BACE2: variants seen among roughly 807,000 people sequenced by gnomAD.
The protein encoded by BACE2 is beta-secretase 2.
A neutral mutation model predicts 46.2 loss-of-function variants in BACE2; 17 were observed. That is an observed-to-expected ratio of 0.37 (90% confidence interval 0.25 to 0.55). BACE2 has a LOEUF of 0.55. Ranked by LOEUF, BACE2 falls within the 20% of genes least tolerant of loss-of-function variation. The pLI is 0.82. For missense variants in BACE2, 595 were observed against 698.1 expected (o/e 0.85, Z 1.66); for synonymous variants, 277 against 295.9 (o/e 0.94, Z 0.66).
intron 1 of BACE2, among the ~76,000 whole-genome samples, chr21:41,173,681 G>A (rs1984685481): frequency 6.6e-6 from 1 of 152,150 alleles, no homozygotes; most frequent in African/African-American, 2.4e-5. Context: ...GGGAGGCAAA[G>A]GTTGCAGTGA....
At chr21:41,211,292 A>T (rs1361889900) in intron 1 of BACE2, among the ~76,000 whole-genome samples, 2 of 152,048 alleles carry the variant, frequency 1.3e-5, no homozygotes, top group Non-Finnish European at 2.9e-5. Flanking sequence ...GTACAGCAAT[A>T]GTGAAATGGC....
At chr21:41,271,298 A>G (rs1169230476) in intron 8 of BACE2, among the ~76,000 whole-genome samples, 1 of 152,070 alleles carries the variant, frequency 6.6e-6, no homozygotes, top group Non-Finnish European at 1.5e-5. Flanking sequence ...TCCACAAACA[A>G]CAGTCTATAG....
chr21:41,190,553 G>A (rs1368169013), intron 1 of BACE2, among the ~76,000 whole-genome samples: 2 of 152,188 alleles, frequency 1.3e-5, no homozygotes, highest in East Asian at 1.9e-4. Flanking sequence ...AGCCGGTATT[G>A]ATGACTGCCT....
chr21:41,242,092 T>A, intron 4 of BACE2, 145 bp downstream of exon 4: 2 of 1,083,316 alleles, frequency 1.8e-6, no homozygotes, highest in Non-Finnish European at 2.6e-6. Context: ...GTAGTAGATC[T>A]TTTTAGAAAT....
Position 41,168,223 on chromosome 21 carries a change from A to C in BACE2, c.-41A>C. 9.2e-7 allele frequency: 1 copy of C among 1,088,066 alleles called. No individual in the cohort carries two copies. Among genetic ancestry groups the C allele is most frequent in the Non-Finnish European group, 1.1e-6 (1 of 890,828 alleles). 67.4% of individuals were successfully genotyped at this position (1,088,066 alleles called of 1,614,324 possible). On this transcript the variant is annotated 5_prime_UTR_variant, in exon 1 of 9. Transcript: ENST00000330333. ...AGCCGCGGCTGCCGGACGGGACGGG[A>C]CCGGCTAGGCTGGGCGCGCCCCCCG... is the stretch of plus-strand genomic sequence containing the variant.
At chr21:41,248,834 T>C (rs1446220742) in intron 6 of BACE2, among the ~76,000 whole-genome samples, 1 of 152,176 alleles carries the variant, frequency 6.6e-6, no homozygotes, top group Non-Finnish European at 1.5e-5. Context: ...GTTTTTTCAG[T>C]TGTGGTCTTG....
intron 1 of BACE2, among the ~76,000 whole-genome samples, chr21:41,208,930 T>C (rs1986214957): frequency 6.6e-6 from 1 of 152,088 alleles, no homozygotes; most frequent in African/African-American, 2.4e-5. Flanking sequence ...AGGGTGGGAT[T>C]AAAAAGCAGG....
chr21:41,236,304 A>G (rs2009135), intron 2 of BACE2, among the ~76,000 whole-genome samples: 50,485 of 152,034 alleles, frequency 0.33, 9,123 homozygotes, highest in African/African-American at 0.47. Context: ...GTCTCATGCA[A>G]ACATGGTTGG....
chr21:41,185,454 G>A (rs1985336795), intron 1 of BACE2, among the ~76,000 whole-genome samples: 1 of 152,238 alleles, frequency 6.6e-6, no homozygotes, highest in Admixed American at 6.5e-5. Flanking sequence ...CTGACTGCCA[G>A]GCCAGGAGCC....
At chr21:41,200,205 A>AC (rs1985915270) in intron 1 of BACE2, among the ~76,000 whole-genome samples, 2 of 150,620 alleles carry the variant, frequency 1.3e-5, no homozygotes, top group African/African-American at 4.9e-5. Flanking sequence ...AAAAAAACAA[A>AC]AAAAAAACCC....
intron 1 of BACE2, among the ~76,000 whole-genome samples, chr21:41,224,227 T>TTTTTTG (rs1194784755): frequency 6.9e-6 from 1 of 145,844 alleles, no homozygotes; most frequent in African/African-American, 2.6e-5. Context: ...TTTTTTTTTT[T>TTTTTTG]TTTTTGAGAT....
intron 8 of BACE2, among the ~76,000 whole-genome samples, chr21:41,268,252 C>T (rs1248654548): frequency 6.6e-6 from 1 of 152,022 alleles, no homozygotes; most frequent in Non-Finnish European, 1.5e-5. Flanking sequence ...GTAACTTGGC[C>T]CAGATCACAC....
rs550156710 is a variant in BACE2, at chr21:41,204,917, A to G, written c.313-21349A>G. Among the ~76,000 whole-genome samples, 193 of 152,354 alleles carry G rather than the reference A, an allele frequency of 1.3e-3. 1 individual carries two copies. Among genetic ancestry groups the G allele is most frequent in the Admixed American group, 2.9e-3 (44 of 15,312 alleles). On this transcript the variant is annotated intron_variant, in intron 1 of 8. Transcript: ENST00000330333. ...TTAGAAGAGAATAATATCTTTGATC[A>G]CTATATGCCTATTAAAATACTTTTT...
At chr21:41,181,216 G>A (rs552438461) in intron 1 of BACE2, 1 of 167,204 alleles carries the variant, frequency 6.0e-6, no homozygotes, top group Admixed American at 6.5e-5. Context: ...TCCTTAGGGA[G>A]TTGGAGTGGT....
At chr21:41,221,580 C>T (rs1227616037) in intron 1 of BACE2, among the ~76,000 whole-genome samples, 1 of 152,184 alleles carries the variant, frequency 6.6e-6, no homozygotes, top group Non-Finnish European at 1.5e-5. Flanking sequence ...AATCCCAGCA[C>T]TTTGGGAGGC....
intron 1 of BACE2, among the ~76,000 whole-genome samples, chr21:41,200,266 C>G (rs539347970): frequency 6.6e-6 from 1 of 151,842 alleles, no homozygotes; most frequent in South Asian, 2.1e-4. Context: ...TGGCTGGACT[C>G]TGATAAATAC....
At chr21:41,232,068 G>A (rs1481077236) in intron 2 of BACE2, among the ~76,000 whole-genome samples, 3 of 150,430 alleles carry the variant, frequency 2.0e-5, no homozygotes, top group African/African-American at 7.4e-5. Context: ...TTTCTACAAG[G>A]CTAGCCACAA....
chr21:41,263,850 C>A (rs1601319673), intron 8 of BACE2, among the ~76,000 whole-genome samples: 2 of 152,196 alleles, frequency 1.3e-5, no homozygotes, highest in East Asian at 3.9e-4. Flanking sequence ...CGTGCTATAC[C>A]CTTTACACTC....
chr21:41,196,516 A>T (rs1488180906), intron 1 of BACE2, among the ~76,000 whole-genome samples: 1 of 152,228 alleles, frequency 6.6e-6, no homozygotes, highest in Admixed American at 6.5e-5. Flanking sequence ...ATCGAACATG[A>T]TATAAATGAT....
Sources: allele counts gnomAD v4.1 joint callset (sites outside exome capture counted in the v4.1 genomes callset), GRCh38; gene constraint gnomAD v4.1.1; transcripts MANE v1.5; gene names NCBI Gene and HGNC (gene_info 2026-07-23, HGNC 2026-07-21).